Variants in LRRIQ1 observed in about 807,000 individuals in gnomAD.
LRRIQ1 encodes leucine-rich repeat- and IQ domain-containing protein 1.
LRRIQ1 carries 210 observed loss-of-function variants against 211.9 expected under a neutral mutation model. That is an observed-to-expected ratio of 0.99 (90% CI 0.89 to 1.11). LRRIQ1 has a LOEUF of 1.11. LRRIQ1 is among the 50% of genes most tolerant of loss of function. The pLI is 0.00. For synonymous variants in LRRIQ1, 699 were observed against 650.1 expected, an observed-to-expected ratio of 1.08 and a Z score of -1.14; for missense variants, 2,136 against 1,939.5, an observed-to-expected ratio of 1.10 and a Z score of -1.90.
rs540450868 is a variant in LRRIQ1 at position 85,085,439 on chromosome 12, G to T, written c.2887+12341G>T. Among the ~76,000 whole-genome samples the T allele has an allele frequency of 5.3e-4, 80 of 152,212 alleles. 1 individual carries two copies. The highest frequency in any genetic ancestry group is 1.2e-3 in the South Asian group (6 of 4,814). On this transcript the variant is annotated intron_variant, in intron 11 of 26. Transcript: ENST00000393217. ...ACAATTCAAGATGAGATTTTGGTGG[G>T]GACAGAAAGCCTAACCATATCAGGG...
intron 11 of LRRIQ1, among the ~76,000 whole-genome samples, chr12:85,097,451 C>G (rs757086832): frequency 2.6e-5 from 4 of 151,572 alleles, no homozygotes; most frequent in Non-Finnish European, 4.4e-5. Flanking sequence ...ATGTTCCCCC[C>G]GCTGTGTCCA....
At chr12:85,072,801 T>G (rs1456784445) in intron 10 of LRRIQ1, 106 bp from the exon 11 acceptor site, 4 of 670,928 alleles carry the variant, frequency 6.0e-6, no homozygotes, top group Non-Finnish European at 9.4e-6. Context: ...AGATTTAGGT[T>G]TTATTTTTTG....
At chr12:85,224,324 G>A (rs1234204024) in intron 24 of LRRIQ1, among the ~76,000 whole-genome samples, 1 of 151,952 alleles carries the variant, frequency 6.6e-6, no homozygotes, top group Non-Finnish European at 1.5e-5. Context: ...CAACCATTGT[G>A]GAAGACAGTG....
intron 13 of LRRIQ1, among the ~76,000 whole-genome samples, chr12:85,102,313 A>G (rs1886407539): frequency 6.6e-6 from 1 of 151,344 alleles, no homozygotes; most frequent in Non-Finnish European, 1.5e-5. Flanking sequence ...CTTTACTTCA[A>G]TATCAATGTG....
At chr12:85,092,115 TAC>T (rs993580945) in intron 11 of LRRIQ1, among the ~76,000 whole-genome samples, 1 of 152,126 alleles carries the variant, frequency 6.6e-6, no homozygotes, top group Non-Finnish European at 1.5e-5. Context: ...TAGCTGCAAA[TAC>T]AGATTAACAT....
intron 24 of LRRIQ1, among the ~76,000 whole-genome samples, chr12:85,186,663 T>C (rs1191336952): frequency 6.6e-6 from 1 of 152,138 alleles, no homozygotes; most frequent in East Asian, 1.9e-4. Flanking sequence ...AAATATATTT[T>C]TTTAATAAGA....
intron 15 of LRRIQ1, among the ~76,000 whole-genome samples, chr12:85,120,957 G>GT (rs144827702): frequency 0.018 from 2,676 of 151,280 alleles, 66 homozygotes; most frequent in Admixed American, 0.055. Flanking sequence ...TTTGTTTTTT[G>GT]TTTTTTTTGT....
At chr12:85,052,285 G>A (rs1880436011) in intron 7 of LRRIQ1, 34 bp downstream of exon 7, 1 of 1,116,974 alleles carries the variant, frequency 9.0e-7, no homozygotes, top group African/African-American at 1.6e-5. Flanking sequence ...AGCACATTAA[G>A]CTTTCTTTAT....
chr12:85,165,666 G>T (rs1386954800), intron 24 of LRRIQ1, among the ~76,000 whole-genome samples: 1 of 151,766 alleles, frequency 6.6e-6, no homozygotes, highest in African/African-American at 2.4e-5. Flanking sequence ...GTAGAGACGG[G>T]GTTTCACCGT....
At chr12:85,140,379 T>C (rs902748251) in intron 19 of LRRIQ1, among the ~76,000 whole-genome samples, 3 of 139,382 alleles carry the variant, frequency 2.2e-5, no homozygotes, top group Non-Finnish European at 4.8e-5. Context: ...AGTGGTCTTG[T>C]ACATTTTTAG....
intron 24 of LRRIQ1, among the ~76,000 whole-genome samples, chr12:85,190,618 G>C (rs1035679224): frequency 2.6e-5 from 4 of 151,500 alleles, no homozygotes; most frequent in African/African-American, 9.7e-5. Context: ...TGTACAGTTA[G>C]ATATTCTGAT....
At chr12:85,169,294 C>A (rs1239690211) in intron 24 of LRRIQ1, among the ~76,000 whole-genome samples, 1 of 151,762 alleles carries the variant, frequency 6.6e-6, no homozygotes, top group East Asian at 1.9e-4. Flanking sequence ...GAGAGAGGAA[C>A]CTGGAGAAAG....
At chr12:85,272,684 G>A in the LRRIQ1 span, among the ~76,000 whole-genome samples, 8 of 151,902 alleles carry the variant, frequency 5.3e-5, no homozygotes, top group South Asian at 6.2e-4. Context: ...TAAATTGTGC[G>A]TTCATGAAGT....
chr12:85,121,833 C>A lies in LRRIQ1; in HGVS notation c.3514C>A (p.Arg1172=), dbSNP rs148400374. 6.2e-7 allele frequency: 1 copy of A among 1,605,786 alleles called. No homozygotes were observed. Among genetic ancestry groups the A allele is most frequent in the African/African-American group, 1.3e-5 (1 of 74,542 alleles). ...CCTGGCACTTTGTCAGTCTCAGATT[C>A]GAGAATTCAACTTGCTAATTGAAAA... ...GFLALCQSQI[R]EFNLLIENYI... Residue 1172 remains arginine, a synonymous_variant, in exon 16 of 27, where the codon CGA becomes AGA. Transcript: ENST00000393217.
chr12:85,129,298 C>A (rs1247172923), intron 18 of LRRIQ1, among the ~76,000 whole-genome samples: 1 of 152,032 alleles, frequency 6.6e-6, no homozygotes, highest in East Asian at 1.9e-4. Flanking sequence ...GAATTTATAT[C>A]CTGGTGGAGG....
Position 85,217,575 on chromosome 12 carries a change from TAC to T in LRRIQ1, c.4823-11940_4823-11939del, listed in dbSNP as rs1456599747. On this transcript the variant is annotated intron_variant, in intron 24 of 26. Coordinates refer to ENST00000393217, the MANE Select transcript of LRRIQ1 (RefSeq NM_001079910.2). The stretch of plus-strand genomic sequence containing the variant: ...GTATATAGGTATATATATGTGTGTA[TAC>T]ATATGTATATATATATGTATATATG... 1.2e-3 allele frequency among the ~76,000 whole-genome samples: 102 copies of T among 88,094 alleles called. No individual in the cohort carries two copies. In the African/African-American group the frequency reaches 0.014, roughly 12 times the overall value. 57.8% of individuals were successfully genotyped at this position (88,094 alleles called of 152,430 possible). A position where few individuals can be genotyped will look rare whatever the true frequency, so the allele number is the denominator to read the frequency against.
At chr12:85,151,532 C>G in intron 19 of LRRIQ1, among the ~76,000 whole-genome samples, 1 of 151,620 alleles carries the variant, frequency 6.6e-6, no homozygotes, top group East Asian at 2.0e-4. Context: ...GAAATTAATT[C>G]TAAGCCATAT....
intron 1 of LRRIQ1, among the ~76,000 whole-genome samples, chr12:85,251,643 G>C (rs1170805540): frequency 6.6e-6 from 1 of 151,756 alleles, no homozygotes; most frequent in East Asian, 1.9e-4. Flanking sequence ...ATCTAAATTT[G>C]AATTTGTTTT....
intron 24 of LRRIQ1, among the ~76,000 whole-genome samples, chr12:85,169,435 T>C (rs1891306578): frequency 6.6e-6 from 1 of 152,194 alleles, no homozygotes; most frequent in Non-Finnish European, 1.5e-5. Flanking sequence ...TCTAAAATCT[T>C]TTCATGGCCT....
Sources: allele counts gnomAD v4.1 joint callset (sites outside exome capture counted in the v4.1 genomes callset), GRCh38; gene constraint gnomAD v4.1.1; transcripts MANE v1.5; gene names NCBI Gene and HGNC (gene_info 2026-07-23, HGNC 2026-07-21).